Variants in GRK4 observed in about 807,000 individuals in gnomAD.
GRK4 encodes the protein G protein-coupled receptor kinase 2-like.
GRK4 carries 73 observed loss-of-function variants against 77.9 expected under a neutral mutation model. The ratio of observed to expected loss-of-function variants is 0.94; its 90% CI spans 0.78 to 1.14. GRK4 has a LOEUF of 1.14. Ranked by LOEUF, GRK4 falls within the 50% of genes most tolerant of loss-of-function variation. The probability of loss-of-function intolerance (pLI) is 0.00; values close to 1 mark genes in which losing one functional copy is unlikely to be tolerated. For synonymous variants in GRK4, 257 were observed against 254.4 expected (o/e 1.01, Z -0.10); for missense variants, 729 against 700.2 (o/e 1.04, Z -0.46).
At position 3,035,668 on chromosome 4, in the gene GRK4, C is replaced by A. The variant is rs996872214; in HGVS notation, c.1407+145C>A. ...TGCACTCCTGGCCTCAAGTGGTCCT[C>A]CACCTTGGCCTCCCACAGTGCTGGG... On this transcript the variant is annotated intron_variant, in intron 13 of 15. Transcript: ENST00000398052. 4.8e-6 allele frequency: 4 copies of A among 828,624 alleles called. No individual in the cohort carries two copies. In the African/African-American group the frequency reaches 6.9e-5, roughly 14 times the overall value. 51.3% of individuals were successfully genotyped at this position (828,624 alleles called of 1,614,324 possible).
At chr4:2,974,355 T>G (rs985065177) in intron 1 of GRK4, among the ~76,000 whole-genome samples, 21 of 152,258 alleles carry the variant, frequency 1.4e-4, no homozygotes, top group African/African-American at 4.8e-5. Flanking sequence ...CAGTAAATAT[T>G]TGTTGAATGA....
intron 4 of GRK4, among the ~76,000 whole-genome samples, chr4:3,003,647 T>C (rs138365264): frequency 2.0e-5 from 3 of 152,348 alleles, no homozygotes; most frequent in African/African-American, 7.2e-5. Flanking sequence ...GGGTTGTTTT[T>C]TGCTATGGTG....
At chr4:3,005,017 C>T (rs1298576915) in intron 5 of GRK4, among the ~76,000 whole-genome samples, 8 of 151,972 alleles carry the variant, frequency 5.3e-5, no homozygotes, top group African/African-American at 1.9e-4. Context: ...GTGGTGACTC[C>T]AGGCCCTCTC....
intron 4 of GRK4, among the ~76,000 whole-genome samples, 166 bp downstream of exon 4, chr4:2,992,458 T>A (rs1560399130): frequency 6.6e-6 from 1 of 152,010 alleles, no homozygotes. Context: ...GGAAGGAGGA[T>A]CTCTTTAGCC....
At chr4:2,987,252 A>T (rs1724688941) in intron 2 of GRK4, 2 of 400,742 alleles carry the variant, frequency 5.0e-6, no homozygotes, top group South Asian at 3.7e-5. Flanking sequence ...TACGTAGCAT[A>T]ATGTTGTCAA....
chr4:2,981,240 G>A (rs750787941), intron 1 of GRK4, among the ~76,000 whole-genome samples: 10 of 152,226 alleles, frequency 6.6e-5, no homozygotes, highest in Non-Finnish European at 1.2e-4. Flanking sequence ...CACCCACAAC[G>A]TGGTGAGTTG....
intron 12 of GRK4, 145 bp downstream of exon 12, chr4:3,029,554 A>C: frequency 3.0e-6 from 2 of 668,852 alleles, no homozygotes; most frequent in Non-Finnish European, 5.1e-6. Context: ...CTGCCCCTGC[A>C]GCCCAGTAGG....
Position 3,029,221 on chromosome 4 carries a change from G to T in GRK4, c.1081G>T (p.Glu361Ter). 2 of 1,612,778 alleles carry T rather than the reference G, an allele frequency of 1.2e-6. No individual in the cohort carries two copies. The highest frequency in any genetic ancestry group is 1.1e-5 in the South Asian group (1 of 90,864). Residue 361 changes from glutamate (E) to a stop codon, truncating the protein, a stop_gained, in exon 12 of 16, where the codon GAA (glutamate) becomes TAA (stop). Transcript: ENST00000398052. LOFTEE classifies it high-confidence loss of function. ...GYMAPEVVNNEKYTFSPDWWG... is the reference protein window; with the variant it reads ...GYMAPEVVNN Reference sequence around the variant, plus strand: ...TGTAGCACCTGAAGTTGTCAATAATGAAAAGTATACGTTTAGTCCCGATTG... The same window carrying T: ...TGTAGCACCTGAAGTTGTCAATAATTAAAAGTATACGTTTAGTCCCGATTG...
At chr4:3,012,598 G>A (rs984193284) in intron 7 of GRK4, among the ~76,000 whole-genome samples, 3 of 152,178 alleles carry the variant, frequency 2.0e-5, no homozygotes, top group African/African-American at 7.2e-5. Flanking sequence ...GCAGTCCCCT[G>A]TGGGGTGTGC....
intron 12 of GRK4, among the ~76,000 whole-genome samples, chr4:3,031,395 G>A (rs955561591): frequency 6.6e-6 from 1 of 152,200 alleles, no homozygotes; most frequent in African/African-American, 2.4e-5. Context: ...GAGCCCATGC[G>A]GACCTGAAGG....
chr4:2,983,915 G>A (rs1167792130), intron 1 of GRK4, among the ~76,000 whole-genome samples: 3 of 152,158 alleles, frequency 2.0e-5, no homozygotes, highest in African/African-American at 7.2e-5. Context: ...GAGGGGGAGA[G>A]AGAGCACAAG....
At chr4:2,968,590 A>G (rs146994898) in intron 1 of GRK4, among the ~76,000 whole-genome samples, 1 of 152,310 alleles carries the variant, frequency 6.6e-6, no homozygotes. Flanking sequence ...TACTGTTCCT[A>G]TAGCAATAAA....
In GRK4 at chr4:3,009,608, T is replaced by C. The variant is rs183837346; in HGVS notation, c.537-40T>C. 997 of 1,479,612 alleles carry C rather than the reference T, an allele frequency of 6.7e-4. 4 individuals carry two copies. Among genetic ancestry groups the C allele is most frequent in the Middle Eastern group, 4.5e-3 (26 of 5,776 alleles). 91.7% of individuals were successfully genotyped at this position (1,479,612 alleles called of 1,614,324 possible). A position where few individuals can be genotyped will look rare whatever the true frequency, so the allele number is the denominator to read the frequency against. ...AAACTTTTCTTTTTTAAAAGAACAA[T>C]GCAATGTGAGACCTGAAACTTGTTT... On this transcript the variant is annotated intron_variant, in intron 6 of 15. Transcript: ENST00000398052.
At position 2,964,110 on chromosome 4, in the gene GRK4, A is replaced by C; in HGVS notation, c.40A>C (p.Lys14Gln). ...CATCGTGGCCAACTCGCTGCTGCTG[A>C]AAGCGCGTCAAGGTGGGTGCGCGGC... ...ENIVANSLLLKARQGGYGKKS... is the reference protein window; with the variant it reads ...ENIVANSLLLQARQGGYGKKS... Residue 14 changes from lysine to glutamine, a missense_variant, in exon 1 of 16, where the codon AAA becomes CAA. By Grantham distance (53) the Lys-to-Gln change is moderately conservative. Coordinates refer to ENST00000398052, the MANE Select transcript of GRK4 (RefSeq NM_182982.3). 1 of 1,605,722 alleles carries C rather than the reference A, an allele frequency of 6.2e-7. No individual in the cohort carries two copies. The highest frequency in any genetic ancestry group is 2.2e-5 in the East Asian group (1 of 44,554).
rs778135211 is a variant in GRK4 at position 3,040,634 on chromosome 4, G to T, written c.*9G>T. ...AACCCAAGCAATGCTGAGCACCCCG[G>T]TGCGGACCACAGAGCAGACCCTGGC... On this transcript the variant is annotated 3_prime_UTR_variant, in exon 16 of 16. Coordinates refer to ENST00000398052, the MANE Select transcript of GRK4 (RefSeq NM_182982.3). 6.2e-7 allele frequency: 1 copy of T among 1,609,382 alleles called. No individual in the cohort carries two copies. The highest frequency in any genetic ancestry group is 8.5e-7 in the Non-Finnish European group (1 of 1,177,958).
At position 2,963,981 on chromosome 4, in the gene GRK4, C is replaced by G. The variant is rs568743246; in HGVS notation, c.-90C>G. On this transcript the variant is annotated 5_prime_UTR_variant, in exon 1 of 16. Coordinates refer to ENST00000398052, the MANE Select transcript of GRK4 (RefSeq NM_182982.3). ...CGAGGAGAGGGTGGTGCCCGGCGAG[C>G]TATGCACGGGGGCGGCGGCGTCTCC... is the stretch of plus-strand genomic sequence containing the variant. The G allele has an allele frequency of 4.8e-4, 563 of 1,173,680 alleles. 2 individuals carry two copies. In the South Asian group the frequency reaches 5.2e-3, roughly 11 times the overall value. 72.7% of individuals were successfully genotyped at this position (1,173,680 alleles called of 1,614,324 possible).
chr4:2,981,710 C>T (rs1180529809), intron 1 of GRK4, among the ~76,000 whole-genome samples: 2 of 152,244 alleles, frequency 1.3e-5, no homozygotes, highest in South Asian at 2.1e-4. Context: ...CTCCAGTCTG[C>T]AGAACTGGCA....
chr4:3,029,098 C>A, intron 11 of GRK4, 103 bp from the exon 12 acceptor site: 1 of 868,854 alleles, frequency 1.2e-6, no homozygotes, highest in South Asian at 1.7e-5. Context: ...AAGGTTCGTC[C>A]ATGTTGTCAC....
intron 4 of GRK4, among the ~76,000 whole-genome samples, chr4:2,999,111 T>C (rs950449308): frequency 6.6e-6 from 1 of 152,122 alleles, no homozygotes; most frequent in Non-Finnish European, 1.5e-5. Flanking sequence ...ATACCTGAGA[T>C]TGGGTAATTT....
Sources: gnomAD v4.1 joint callset for allele counts (sites outside exome capture counted in the v4.1 genomes callset) on GRCh38, gnomAD v4.1.1 for gene constraint, MANE v1.5 for transcripts, NCBI Gene and HGNC (gene_info 2026-07-23, HGNC 2026-07-21) for gene names.